The following GLIS3 variants were observed in gnomAD, a reference collection of about 807,000 sequenced individuals.
GLIS3 encodes the protein GLIS family zinc finger 3.
GLIS3 carries 53 observed loss-of-function variants against 78.6 expected under a neutral mutation model. The ratio of observed to expected loss-of-function variants is 0.67; its 90% CI spans 0.54 to 0.85. The LOEUF (loss-of-function observed/expected upper bound fraction) is 0.85, where lower values mean the gene tolerates loss of function less well. Among genes scored for constraint, GLIS3 ranks in the 40% least tolerant of loss-of-function variants. The pLI, the probability that GLIS3 is intolerant of heterozygous loss-of-function variation, is 0.00. For synonymous variants in GLIS3, 684 were observed against 509.9 expected (o/e 1.34, Z -4.60); for missense variants, 1,703 against 1,231.1 (o/e 1.38, Z -5.74).
intron 3 of GLIS3, among the ~76,000 whole-genome samples, chr9:4,124,374 T>A (rs758145023): frequency 6.6e-6 from 1 of 152,198 alleles, no homozygotes; most frequent in African/African-American, 2.4e-5. Context: ...ATAAGATACA[T>A]GGCTTAAGCA....
At chr9:3,894,058 T>G (rs777123096) in intron 7 of GLIS3, among the ~76,000 whole-genome samples, 5 of 152,168 alleles carry the variant, frequency 3.3e-5, no homozygotes, top group Non-Finnish European at 7.4e-5. Context: ...AAAGGAATGC[T>G]TCACACAGAC....
At chr9:4,448,154 A>G in the GLIS3 span, among the ~76,000 whole-genome samples, 8 of 152,110 alleles carry the variant, frequency 5.3e-5, no homozygotes, top group Non-Finnish European at 1.0e-4. Context: ...TCCTGTCCCA[A>G]CTAAGATTGA....
intron 6 of GLIS3, among the ~76,000 whole-genome samples, chr9:3,910,120 T>G (rs532344699): frequency 1.3e-5 from 2 of 152,258 alleles, no homozygotes; most frequent in African/African-American, 4.8e-5. Flanking sequence ...CAAGTTGAAC[T>G]ATAATCTGCC....
At position 4,321,387 on chromosome 9, in the gene GLIS3, A is replaced by G. The variant is rs981908496; in HGVS notation, n.265-10859T>C. On this transcript the variant is annotated intron_variant and non_coding_transcript_variant, in intron 2 of 4. Transcript: ENST00000471664. ...CAGGGAGCCGAGATGGCGCCACTGC[A>G]CTCCAGCCTGGGCCACAGAGCTAGA... Among the ~76,000 whole-genome samples the G allele has an allele frequency of 3.7e-5, 4 of 109,222 alleles. 1 individual carries two copies. Among genetic ancestry groups the G allele is most frequent in the Admixed American group, 1.1e-4 (1 of 8,904 alleles). The allele number at this position is 109,222 out of a possible 152,430, so 71.7% of individuals were successfully genotyped here.
At chr9:3,970,962 G>C (rs972317654) in intron 4 of GLIS3, among the ~76,000 whole-genome samples, 1 of 151,886 alleles carries the variant, frequency 6.6e-6, no homozygotes, top group Non-Finnish European at 1.5e-5. Context: ...GGAAGGAAAA[G>C]AGGGAGAAAG....
intron 2 of GLIS3, among the ~76,000 whole-genome samples, chr9:4,232,382 TAA>T (rs56725850): frequency 0.051 from 5,139 of 101,678 alleles, 126 homozygotes; most frequent in Non-Finnish European, 0.055. Flanking sequence ...CCTTGTCTCT[TAA>T]AAAAAAAAAA....
chr9:4,201,412 T>G (rs910292695), intron 2 of GLIS3, among the ~76,000 whole-genome samples: 1 of 152,120 alleles, frequency 6.6e-6, no homozygotes, highest in African/African-American at 2.4e-5. Context: ...TTGTGGAAAA[T>G]CTGATTCTAT....
chr9:3,913,060 C>T (rs1307379264), intron 6 of GLIS3, among the ~76,000 whole-genome samples: 1 of 152,180 alleles, frequency 6.6e-6, no homozygotes, highest in Admixed American at 6.5e-5. Flanking sequence ...CCCCATCCAT[C>T]TTACCAGCTC....
At chr9:4,027,846 G>C (rs1375879774) in intron 4 of GLIS3, among the ~76,000 whole-genome samples, 2 of 152,146 alleles carry the variant, frequency 1.3e-5, no homozygotes, top group Admixed American at 1.3e-4. Flanking sequence ...CGTAGGAGAG[G>C]TACGCTCCAG....
the GLIS3 span, among the ~76,000 whole-genome samples, chr9:4,432,728 C>G: frequency 1.9e-4 from 28 of 151,278 alleles, no homozygotes; most frequent in African/African-American, 6.6e-4. Flanking sequence ...GTAAACTCCG[C>G]CCCCTGCGCT....
intron 2 of GLIS3, among the ~76,000 whole-genome samples, chr9:4,166,385 A>G (rs1201755042): frequency 6.6e-6 from 1 of 152,142 alleles, no homozygotes; most frequent in East Asian, 1.9e-4. Flanking sequence ...GACAAGAAAA[A>G]CCACAGAACA....
intron 2 of GLIS3, among the ~76,000 whole-genome samples, chr9:4,341,535 T>G (rs1817834504): frequency 6.6e-6 from 1 of 152,218 alleles, no homozygotes; most frequent in African/African-American, 2.4e-5. Flanking sequence ...CTCCATGACT[T>G]ATTTCCCTCA....
At chr9:4,459,823 G>GA in the GLIS3 span, among the ~76,000 whole-genome samples, 1 of 152,028 alleles carries the variant, frequency 6.6e-6, no homozygotes, top group African/African-American at 2.4e-5. Context: ...AAGAAAAAAA[G>GA]AAAAAGCGGG....
At chr9:4,280,781 G>A (rs1315023034) in intron 2 of GLIS3, among the ~76,000 whole-genome samples, 1 of 151,724 alleles carries the variant, frequency 6.6e-6, no homozygotes, top group Non-Finnish European at 1.5e-5. Flanking sequence ...TAGATAGCTG[G>A]AGCTGGAATG....
At chr9:4,433,404 C>T in the GLIS3 span, among the ~76,000 whole-genome samples, 6 of 152,010 alleles carry the variant, frequency 3.9e-5, no homozygotes, top group African/African-American at 9.7e-5. Flanking sequence ...TTCACTCCAG[C>T]CTAGGTGACA....
chr9:4,436,591 G>T, the GLIS3 span, among the ~76,000 whole-genome samples: 3 of 152,096 alleles, frequency 2.0e-5, no homozygotes, highest in Non-Finnish European at 2.9e-5. Context: ...GATCACCTGA[G>T]GTCATGAGTT....
intron 4 of GLIS3, among the ~76,000 whole-genome samples, chr9:3,991,894 A>ACT (rs1820323192): frequency 6.6e-6 from 1 of 151,716 alleles, no homozygotes; most frequent in Non-Finnish European, 1.5e-5. Flanking sequence ...GTTTCACCGT[A>ACT]TTGGCCAGGA....
At chr9:4,315,513 C>G (rs986840510) in intron 2 of GLIS3, among the ~76,000 whole-genome samples, 1 of 152,144 alleles carries the variant, frequency 6.6e-6, no homozygotes, top group Non-Finnish European at 1.5e-5. Flanking sequence ...TAAATTGATT[C>G]AAACCCTTCT....
At chr9:4,266,894 T>A (rs997489944) in intron 2 of GLIS3, among the ~76,000 whole-genome samples, 1 of 152,138 alleles carries the variant, frequency 6.6e-6, no homozygotes. Flanking sequence ...AGAACCTAAT[T>A]TGAAATCCAT....
Sources: gnomAD v4.1 joint callset for allele counts (sites outside exome capture counted in the v4.1 genomes callset) on GRCh38, gnomAD v4.1.1 for gene constraint, MANE v1.5 for transcripts, NCBI Gene and HGNC (gene_info 2026-07-23, HGNC 2026-07-21) for gene names.